Variants in ATP8A1 observed in about 807,000 individuals in gnomAD.
ATP8A1 encodes phospholipid-transporting ATPase IA.
ATP8A1 carries 90 observed loss-of-function variants against 177.7 expected under a neutral mutation model. The ratio of observed to expected loss-of-function variants is 0.51; its 90% CI spans 0.43 to 0.60. The LOEUF (loss-of-function observed/expected upper bound fraction) is 0.60. Ranked by LOEUF, ATP8A1 falls within the 20% of genes least tolerant of loss-of-function variation. The probability of loss-of-function intolerance (pLI) is 0.00; values close to 1 mark genes in which losing one functional copy is unlikely to be tolerated. For synonymous variants in ATP8A1, 493 were observed against 485.9 expected, an observed-to-expected ratio of 1.01 and a Z score of -0.19; for missense variants, 1,072 against 1,392.8, an observed-to-expected ratio of 0.77 and a Z score of 3.67.
chr4:42,588,366 C>T (rs779164230), intron 7 of ATP8A1, 37 bp from the exon 8 acceptor site: 47 of 1,546,690 alleles, frequency 3.0e-5, no homozygotes, highest in Middle Eastern at 1.7e-4. Context: ...AGATTTAGTG[C>T]GGGAAGAAAA....
intron 14 of ATP8A1, among the ~76,000 whole-genome samples, chr4:42,573,472 A>G (rs1377201596): frequency 6.6e-6 from 1 of 152,182 alleles, no homozygotes. Context: ...ATCTAAGGAA[A>G]TTAGAACATC....
At chr4:42,652,500 A>G (rs911848430) in intron 1 of ATP8A1, among the ~76,000 whole-genome samples, 2 of 152,010 alleles carry the variant, frequency 1.3e-5, no homozygotes, top group Admixed American at 1.3e-4. Context: ...TGCTTTTTTC[A>G]AAAAAGTCCT....
intron 24 of ATP8A1, among the ~76,000 whole-genome samples, chr4:42,502,670 C>T (rs902698359): frequency 6.6e-6 from 1 of 152,172 alleles, no homozygotes; most frequent in Non-Finnish European, 1.5e-5. Context: ...GACATCAACA[C>T]CATCCCTTCT....
intron 20 of ATP8A1, among the ~76,000 whole-genome samples, chr4:42,533,357 T>TG (rs1727471965): frequency 6.6e-6 from 1 of 152,124 alleles, no homozygotes; most frequent in African/African-American, 2.4e-5. Context: ...ACATGGGTGC[T>TG]GGGTAAGTCC....
At chr4:42,649,639 T>C (rs564062471) in intron 1 of ATP8A1, among the ~76,000 whole-genome samples, 8 of 152,272 alleles carry the variant, frequency 5.3e-5, no homozygotes, top group Admixed American at 3.9e-4. Context: ...GAGTTATCCA[T>C]TCATTCAACA....
intron 6 of ATP8A1, among the ~76,000 whole-genome samples, chr4:42,591,590 G>T (rs1434413917): frequency 6.6e-6 from 1 of 152,070 alleles, no homozygotes; most frequent in Non-Finnish European, 1.5e-5. Context: ...TGAATCCAGA[G>T]AAATTTTTTC....
intron 5 of ATP8A1, among the ~76,000 whole-genome samples, chr4:42,606,004 C>T (rs1026381042): frequency 1.3e-5 from 2 of 152,210 alleles, no homozygotes; most frequent in Admixed American, 6.5e-5. Context: ...TCCTCGCACA[C>T]CTTTCTCTAG....
At chr4:42,494,993 GGCTCTACCTT>G (rs1723119172) in intron 24 of ATP8A1, among the ~76,000 whole-genome samples, 2 of 152,122 alleles carry the variant, frequency 1.3e-5, no homozygotes, top group South Asian at 2.1e-4. Flanking sequence ...AGTTTGCTAA[GGCTCTACCTT>G]TTAAAATCTA....
chr4:42,472,163 G>A, intron 25 of ATP8A1: 2 of 623,720 alleles, frequency 3.2e-6, no homozygotes, highest in Non-Finnish European at 6.2e-6. Flanking sequence ...AACATCCTAG[G>A]AGCTGTATAT....
intron 9 of ATP8A1, among the ~76,000 whole-genome samples, chr4:42,583,828 T>C (rs1249477003): frequency 6.6e-6 from 1 of 152,226 alleles, no homozygotes; most frequent in East Asian, 1.9e-4. Flanking sequence ...GGCACCATCA[T>C]ACAAAGTTTC....
At chr4:42,588,214 G>A (rs1370784564) in intron 8 of ATP8A1, 46 bp downstream of exon 8, 2 of 1,464,100 alleles carry the variant, frequency 1.4e-6, no homozygotes, top group African/African-American at 2.8e-5. Context: ...TTAATTCCAT[G>A]TAATAAAATA....
rs149276346 is a variant in ATP8A1 at position 42,644,131 on chromosome 4, T to C, written c.49+12694A>G. Among the ~76,000 whole-genome samples, 938 of 152,274 alleles carry C rather than the reference T, an allele frequency of 6.2e-3. 11 individuals are homozygous for C. Among genetic ancestry groups the C allele is most frequent in the African/African-American group, 0.022 (908 of 41,544 alleles). On this transcript the variant is annotated intron_variant, in intron 1 of 36. Coordinates refer to ENST00000381668, the MANE Select transcript of ATP8A1 (RefSeq NM_006095.2). ...AACATATGGAAAAATATCTGACCTATAAAGAAATCTACTAAGTTCAGACTG... is the reference window on the plus strand; with the variant it reads ...AACATATGGAAAAATATCTGACCTACAAAGAAATCTACTAAGTTCAGACTG...
intron 5 of ATP8A1, among the ~76,000 whole-genome samples, chr4:42,613,694 C>T (rs145819531): frequency 8.5e-5 from 13 of 152,234 alleles, no homozygotes; most frequent in African/African-American, 3.1e-4. Flanking sequence ...AGCGATTCTC[C>T]TACCTCAGCC....
At chr4:42,433,106 T>C (rs756068882) in intron 33 of ATP8A1, among the ~76,000 whole-genome samples, 8 of 152,334 alleles carry the variant, frequency 5.3e-5, no homozygotes, top group Middle Eastern at 3.4e-3. Flanking sequence ...ACCTGGTCTT[T>C]GCTCAACTTT....
intron 27 of ATP8A1, among the ~76,000 whole-genome samples, chr4:42,463,289 T>C (rs1273655303): frequency 2.0e-5 from 3 of 152,184 alleles, no homozygotes; most frequent in Non-Finnish European, 1.5e-5. Context: ...GGTAATTGAA[T>C]CATGGGGGCA....
intron 33 of ATP8A1, among the ~76,000 whole-genome samples, chr4:42,438,937 A>T (rs1716307190): frequency 6.6e-6 from 1 of 152,128 alleles, no homozygotes; most frequent in Admixed American, 6.5e-5. Flanking sequence ...GTACACAATA[A>T]ATGTTGGTTC....
At chr4:42,438,899 T>G (rs1716302479) in intron 33 of ATP8A1, among the ~76,000 whole-genome samples, 1 of 152,150 alleles carries the variant, frequency 6.6e-6, no homozygotes, top group Admixed American at 6.5e-5. Flanking sequence ...TATCTGGCAT[T>G]AAACATAGCG....
intron 25 of ATP8A1, among the ~76,000 whole-genome samples, chr4:42,467,813 T>C (rs1193183867): frequency 6.6e-6 from 1 of 152,216 alleles, no homozygotes; most frequent in African/African-American, 2.4e-5. Context: ...ATCTTGAGAA[T>C]TGTTTATTCA....
Position 42,558,069 on chromosome 4 carries a change from C to A in ATP8A1, c.1341-2029G>T, listed in dbSNP as rs563804237. ...AAAAACAAAAACAAAAACAAAAAAA[C>A]CAGAAACAAAAACTAGAAACAACTC... On this transcript the variant is annotated intron_variant, in intron 15 of 36. Coordinates refer to ENST00000381668, the MANE Select transcript of ATP8A1 (RefSeq NM_006095.2). Among the ~76,000 whole-genome samples, 24 of 149,280 alleles carry A rather than the reference C, an allele frequency of 1.6e-4. 1 individual carries two copies. The South Asian group carries it at 3.1e-3, about 19-fold the overall frequency.
Sources: gnomAD v4.1 joint callset for allele counts (sites outside exome capture counted in the v4.1 genomes callset) on GRCh38, gnomAD v4.1.1 for gene constraint, MANE v1.5 for transcripts, NCBI Gene and HGNC (gene_info 2026-07-23, HGNC 2026-07-21) for gene names.